SNU13: variants seen among roughly 807,000 people sequenced by gnomAD.
SNU13 encodes small nuclear ribonucleoprotein 13, also known as NHP2-like protein 1.
Under a neutral mutation model 12.4 loss-of-function variants are expected in SNU13, and 2 were observed. That is an observed-to-expected ratio of 0.16 (90% confidence interval 0.07 to 0.51). The LOEUF is 0.51. Ranked by LOEUF, SNU13 falls within the 20% of genes least tolerant of loss-of-function variation. The pLI, the probability that SNU13 is intolerant of heterozygous loss-of-function variation, is 0.96. For synonymous variants in SNU13, 68 were observed against 66.5 expected, an observed-to-expected ratio of 1.02 and a Z score of -0.11; for missense variants, 66 against 157.8, an observed-to-expected ratio of 0.42 and a Z score of 3.12.
At chr22:41,688,724 A>G (rs2068333404) in intron 1 of SNU13, 70 bp downstream of exon 1, 2 of 1,551,746 alleles carry the variant, frequency 1.3e-6, no homozygotes, top group Non-Finnish European at 8.8e-7. Flanking sequence ...GCCTCCATCT[A>G]ACAGGCTAGG....
upstream of SNU13, chr22:41,689,038 T>G: frequency 1.6e-6 from 2 of 1,253,236 alleles, no homozygotes; most frequent in Non-Finnish European, 2.0e-6. Context: ...GTACAAATTA[T>G]TGGCAGAAAC....
chr22:41,679,443 C>T (rs2068243047), intron 2 of SNU13, among the ~76,000 whole-genome samples: 1 of 152,020 alleles, frequency 6.6e-6, no homozygotes, highest in African/African-American at 2.4e-5. Context: ...GTAATCCCAG[C>T]TACTTGGGAG....
At chr22:41,681,225 C>A (rs2068260730) in intron 1 of SNU13, 1 of 152,198 alleles carries the variant, frequency 6.6e-6, no homozygotes, top group African/African-American at 2.4e-5. Context: ...AACAAACTCA[C>A]CAAAGTCAAA....
chr22:41,682,127 C>T (rs2068268881), intron 1 of SNU13, among the ~76,000 whole-genome samples: 1 of 152,066 alleles, frequency 6.6e-6, no homozygotes, highest in Non-Finnish European at 1.5e-5. Context: ...CACCTAACCT[C>T]GGCCTTGGAG....
At chr22:41,678,355 C>G (rs2068232922) in intron 2 of SNU13, among the ~76,000 whole-genome samples, 1 of 152,154 alleles carries the variant, frequency 6.6e-6, no homozygotes, top group South Asian at 2.1e-4. Flanking sequence ...GCAGAGACTT[C>G]ATTTTGTTCA....
In SNU13 at chr22:41,680,296, G is replaced by A; in HGVS notation, c.72C>T (p.Asp24=). ...ADAHLTKKLL[D]LVQQSCNYKQ... ...TATAGTTACATGACTGCTGAACGAG[G>A]TCCAGTAGCTTCTTGGTGAGGTGGG... is the stretch of plus-strand genomic sequence containing the variant. Residue 24 remains aspartate (D), a synonymous_variant, in exon 2 of 3, where the codon GAC becomes GAT. Coordinates refer to ENST00000401959, the MANE Select transcript of SNU13 (RefSeq NM_001003796.2). 6.2e-7 allele frequency: 1 copy of A among 1,613,942 alleles called. No individual in the cohort carries two copies. Among genetic ancestry groups the A allele is most frequent in the South Asian group, 1.1e-5 (1 of 91,066 alleles).
chr22:41,683,900 T>G (rs991056969), intron 1 of SNU13, among the ~76,000 whole-genome samples: 6 of 150,436 alleles, frequency 4.0e-5, no homozygotes, highest in African/African-American at 1.2e-4. Context: ...AGGAGCAGGG[T>G]TTTTTTTTGT....
At chr22:41,688,956 C>A (rs2068337269), upstream of SNU13, 1 of 1,363,524 alleles carries the variant, frequency 7.3e-7, no homozygotes, top group Non-Finnish European at 9.5e-7. Context: ...CCGCCCTCTA[C>A]GGGGGCACTG....
chr22:41,676,845 C>T (rs958959556), intron 2 of SNU13, among the ~76,000 whole-genome samples: 3 of 152,072 alleles, frequency 2.0e-5, no homozygotes, highest in African/African-American at 7.2e-5. Context: ...TTGGTTCATC[C>T]ATATTGGGTA....
At chr22:41,682,525 C>G (rs998209399) in intron 1 of SNU13, 1 of 1,517,964 alleles carries the variant, frequency 6.6e-7, no homozygotes, top group East Asian at 2.4e-5. Context: ...GCCCGTACAC[C>G]AGGACGCCCT....
chr22:41,684,261 A>C (rs1335354073), intron 1 of SNU13, among the ~76,000 whole-genome samples: 1 of 152,216 alleles, frequency 6.6e-6, no homozygotes, highest in Non-Finnish European at 1.5e-5. Flanking sequence ...TCTGGTGAGA[A>C]AGAGGGGCTT....
In SNU13 at chr22:41,685,446, G is replaced by A. The variant is rs370707708; in HGVS notation, c.3+3348C>T. Among the ~76,000 whole-genome samples, 9 of 151,886 alleles carry A rather than the reference G, an allele frequency of 5.9e-5. No homozygotes were observed. In the South Asian group the frequency reaches 1.5e-3, roughly 25 times the overall value. On this transcript the variant is annotated intron_variant, in intron 1 of 2. Coordinates refer to ENST00000401959, the MANE Select transcript of SNU13 (RefSeq NM_001003796.2). Reference sequence around the variant, plus strand: ...TCGGCTCACCGCAACTTCTGCCTCCGAGGTTCAAGCAATTCTCCTGCCTCA... The same window carrying A: ...TCGGCTCACCGCAACTTCTGCCTCCAAGGTTCAAGCAATTCTCCTGCCTCA...
At chr22:41,680,484 A>T in intron 1 of SNU13, 120 bp from the exon 2 acceptor site, 1 of 961,040 alleles carries the variant, frequency 1.0e-6, no homozygotes, top group East Asian at 2.6e-5. Flanking sequence ...TAACCCTCAA[A>T]CACACAAAAC....
At chr22:41,682,563 C>T (rs1390641424) in intron 1 of SNU13, 16 of 1,452,488 alleles carry the variant, frequency 1.1e-5, no homozygotes, top group Non-Finnish European at 1.4e-5. Context: ...TTATCTTAGG[C>T]GAATTTGTCT....
intron 2 of SNU13, among the ~76,000 whole-genome samples, chr22:41,679,209 G>C (rs2068239945): frequency 6.6e-6 from 1 of 151,896 alleles, no homozygotes; most frequent in Non-Finnish European, 1.5e-5. Flanking sequence ...AGGAGTTCGA[G>C]ACCAGCCTGG....
At chr22:41,686,815 T>TG (rs1555910082) in intron 1 of SNU13, among the ~76,000 whole-genome samples, 5 of 142,138 alleles carry the variant, frequency 3.5e-5, no homozygotes, top group African/African-American at 5.3e-5. Context: ...TTAGTAGAGA[T>TG]GGGGTTTCAC....
intron 1 of SNU13, chr22:41,682,245 C>T: frequency 8.3e-7 from 1 of 1,208,610 alleles, no homozygotes; most frequent in Non-Finnish European, 1.2e-6. Context: ...GCGCACCTGC[C>T]TTTTCCTCCT....
intron 2 of SNU13, among the ~76,000 whole-genome samples, chr22:41,678,476 C>T (rs933569692): frequency 6.6e-6 from 1 of 152,180 alleles, no homozygotes; most frequent in Non-Finnish European, 1.5e-5. Context: ...ATTGTTGCAT[C>T]TCCCTCCCTG....
Position 41,674,072 on chromosome 22 carries a change from C to G in SNU13, c.*861G>C, listed in dbSNP as rs1031939403. ...GGGGAAGGGCTCTCAGAGCTGGTGCCAAGTGTCCACCAAAGAAAGTCCCAT... is the reference window on the plus strand; with the variant it reads ...GGGGAAGGGCTCTCAGAGCTGGTGCGAAGTGTCCACCAAAGAAAGTCCCAT... On this transcript the variant is annotated 3_prime_UTR_variant, in exon 3 of 3. Coordinates refer to ENST00000401959, the MANE Select transcript of SNU13 (RefSeq NM_001003796.2). The G allele has an allele frequency of 6.6e-6, 1 of 152,264 alleles. No homozygotes were observed. The highest frequency in any genetic ancestry group is 2.4e-5 in the African/African-American group (1 of 41,462). The allele number at this position is 152,264 out of a possible 1,614,324, so 9.4% of individuals were successfully genotyped here.
Sources: gnomAD v4.1 joint callset for allele counts (sites outside exome capture counted in the v4.1 genomes callset) on GRCh38, gnomAD v4.1.1 for gene constraint, MANE v1.5 for transcripts, NCBI Gene and HGNC (gene_info 2026-07-23, HGNC 2026-07-21) for gene names.